The following SLTM variants were observed in gnomAD, a reference collection of about 807,000 sequenced individuals.
SLTM encodes the protein SAFB like transcription modulator.
Under a neutral mutation model 134.6 loss-of-function variants are expected in SLTM, and 43 were observed. The observed-to-expected ratio is 0.32, with a 90% CI of 0.25 to 0.41. The LOEUF is 0.41. Among genes scored for constraint, SLTM ranks in the 10% least tolerant of loss-of-function variants. The pLI is 1.00. For missense variants in SLTM, 1,055 were observed against 1,288.8 expected (o/e 0.82, Z 2.78); for synonymous variants, 424 against 432.3 (o/e 0.98, Z 0.24).
intron 2 of SLTM, among the ~76,000 whole-genome samples, chr15:58,917,351 C>G (rs1171709908): frequency 6.6e-6 from 1 of 152,162 alleles, no homozygotes; most frequent in Non-Finnish European, 1.5e-5. Flanking sequence ...TATATAGACA[C>G]CTGATAGCTA....
chr15:58,904,233 A>C (rs2035702152), intron 5 of SLTM, among the ~76,000 whole-genome samples: 2 of 151,706 alleles, frequency 1.3e-5, no homozygotes, highest in South Asian at 4.2e-4. Context: ...CTGGTCTCGA[A>C]CTCCTGAGCC....
intron 2 of SLTM, among the ~76,000 whole-genome samples, chr15:58,920,576 T>C (rs564675234): frequency 1.1e-3 from 167 of 150,942 alleles, no homozygotes; most frequent in African/African-American, 3.9e-3. Flanking sequence ...TGAGCCAAGA[T>C]AGCAACGCAG....
At chr15:58,922,635 T>C (rs1276845766) in intron 2 of SLTM, among the ~76,000 whole-genome samples, 2 of 147,054 alleles carry the variant, frequency 1.4e-5, no homozygotes, top group African/African-American at 4.9e-5. Flanking sequence ...GTATAAAATA[T>C]ATATTATATA....
At chr15:58,881,897 T>C (rs1461931297) in intron 20 of SLTM, among the ~76,000 whole-genome samples, 3 of 151,394 alleles carry the variant, frequency 2.0e-5, no homozygotes, top group Non-Finnish European at 4.4e-5. Context: ...GTGCCCAGCC[T>C]GAGAAACATT....
At chr15:58,904,270 CA>C (rs1409182380) in intron 5 of SLTM, among the ~76,000 whole-genome samples, 4 of 152,198 alleles carry the variant, frequency 2.6e-5, no homozygotes, top group Admixed American at 1.3e-4. Context: ...CTCGGCCTCC[CA>C]AAGTGCTGGG....
At chr15:58,883,388 TATATCA>T (rs1272406856) in intron 20 of SLTM, 1 of 518,324 alleles carries the variant, frequency 1.9e-6, no homozygotes, top group Non-Finnish European at 3.5e-6. Flanking sequence ...TACCCATATC[TATATCA>T]ACTTGCCAGA....
chr15:58,927,345 C>A (rs948592333), intron 2 of SLTM, among the ~76,000 whole-genome samples: 2 of 152,156 alleles, frequency 1.3e-5, no homozygotes, highest in African/African-American at 2.4e-5. Context: ...TCTCAGCTCA[C>A]TGCAACCTCT....
intron 2 of SLTM, among the ~76,000 whole-genome samples, chr15:58,919,118 A>G (rs2036845266): frequency 6.6e-6 from 1 of 152,092 alleles, no homozygotes. Context: ...TCACCGTGTT[A>G]GCCAGGATGG....
intron 2 of SLTM, among the ~76,000 whole-genome samples, chr15:58,926,082 T>C (rs1006830684): frequency 1.3e-5 from 2 of 152,196 alleles, no homozygotes; most frequent in African/African-American, 4.8e-5. Flanking sequence ...AGAAAATACA[T>C]ACTGATGCCT....
At chr15:58,884,314 T>G (rs1429864757) in intron 19 of SLTM, among the ~76,000 whole-genome samples, 1 of 151,958 alleles carries the variant, frequency 6.6e-6, no homozygotes, top group African/African-American at 2.4e-5. Context: ...ATTTAATACT[T>G]TTGTTGTTGT....
At chr15:58,905,792 T>C (rs2141070657) in intron 5 of SLTM, among the ~76,000 whole-genome samples, 1 of 152,322 alleles carries the variant, frequency 6.6e-6, no homozygotes, top group African/African-American at 2.4e-5. Flanking sequence ...TATAATGTTA[T>C]TTCTAGTTGC....
At position 58,883,667 on chromosome 15, in the gene SLTM, A is replaced by T; in HGVS notation, c.2955T>A (p.Gly985=). The change falls in exon 20 of 21, where the codon GGT becomes GGA. Residue 985 remains glycine (G), a synonymous_variant. Coordinates refer to ENST00000380516, the MANE Select transcript of SLTM (RefSeq NM_024755.4). ...GPSYHDTRRM[G]DGRAGAGMIT... is the part of the protein sequence containing the mutation. ...TCATGCCTGCTCCTGCCCGGCCGTC[A>T]CCCATTCGCCTCGTATCATGATAGC... 2 of 1,614,104 alleles carry T rather than the reference A, an allele frequency of 1.2e-6. No homozygotes were observed. The highest frequency in any genetic ancestry group is 1.7e-6 in the Non-Finnish European group (2 of 1,180,010).
At position 58,883,702 on chromosome 15, in the gene SLTM, G is replaced by C. The variant is rs1157861043; in HGVS notation, c.2920C>G (p.Gln974Glu). 1.2e-5 allele frequency: 19 copies of C among 1,614,098 alleles called. No homozygotes were observed. The highest frequency in any genetic ancestry group is 1.5e-5 in the Non-Finnish European group (18 of 1,180,016). ...PRKEWHGPPS[Q>E]GPSYHDTRRM... ...CTCGTATCATGATAGCTAGGCCCTT[G>C]AGAGGGTGGACCATGCCACTCTTTC... Residue 974 changes from glutamine to glutamate, a missense_variant, in exon 20 of 21, where the codon CAA becomes GAA. By Grantham distance (29) the Gln-to-Glu change is conservative. Around this residue, in one of 3 missense-constraint regions of SLTM, gnomAD observed 776 missense variants for 962.2 expected, o/e 0.81. Coordinates refer to ENST00000380516, the MANE Select transcript of SLTM (RefSeq NM_024755.4).
intron 2 of SLTM, chr15:58,921,679 T>G (rs545457821): frequency 3.3e-6 from 1 of 301,296 alleles, no homozygotes; most frequent in Admixed American, 3.5e-5. Flanking sequence ...AAATCTCACA[T>G]TAGCTTTGGA....
chr15:58,892,679 G>C (rs2034758670), intron 14 of SLTM, among the ~76,000 whole-genome samples: 1 of 152,102 alleles, frequency 6.6e-6, no homozygotes, highest in Admixed American at 6.6e-5. Context: ...GGCATAACTA[G>C]CCTTACAGAA....
intron 18 of SLTM, 34 bp from the exon 19 acceptor site, chr15:58,887,153 A>G (rs1387406840): frequency 6.2e-7 from 1 of 1,613,304 alleles, no homozygotes; most frequent in Non-Finnish European, 8.5e-7. Context: ...TACATGATCA[A>G]AACTGTAATC....
In SLTM at chr15:58,894,186, C is replaced by A; in HGVS notation, c.1385G>T (p.Gly462Val). Residue 462 changes from glycine to valine, a missense_variant, in exon 11 of 21, where the codon GGT (glycine) becomes GTT (valine). Physicochemically the swap from Gly to Val is moderately radical, Grantham distance 109 (BLOSUM62 -3). Transcript: ENST00000380516. ...GQLISVEKVK[G>V]DPSKKEMKKE... ...CTTCATTTCTTTCTTAGAGGGATCA[C>A]CTTTTACCTGAAAGGTTCGAACCAG... is the stretch of plus-strand genomic sequence containing the variant. The A allele has an allele frequency of 6.2e-7, 1 of 1,605,460 alleles. No individual in the cohort carries two copies. Among genetic ancestry groups the A allele is most frequent in the Non-Finnish European group, 8.5e-7 (1 of 1,175,086 alleles).
intron 5 of SLTM, among the ~76,000 whole-genome samples, chr15:58,903,457 C>T (rs142844512): frequency 1.3e-5 from 2 of 148,932 alleles, no homozygotes; most frequent in African/African-American, 5.0e-5. Context: ...CTTGAGCATG[C>T]ATCAGAATCC....
At chr15:58,891,775 C>T (rs898720408) in intron 14 of SLTM, among the ~76,000 whole-genome samples, 5 of 152,096 alleles carry the variant, frequency 3.3e-5, no homozygotes, top group African/African-American at 1.2e-4. Flanking sequence ...TAAGCCATTA[C>T]ATTTTTTTCT....
Sources: gnomAD v4.1 joint callset for allele counts (sites outside exome capture counted in the v4.1 genomes callset) on GRCh38, gnomAD v4.1.1 for gene constraint, gnomAD v4.1.1 regional missense constraint, MANE v1.5 for transcripts, NCBI Gene and HGNC (gene_info 2026-07-23, HGNC 2026-07-21) for gene names.